PTDSS1: variants seen among roughly 807,000 people sequenced by gnomAD.
PTDSS1 encodes PSS-1.
In PTDSS1, 45 loss-of-function variants were observed where a neutral mutation model predicts 70.5. The ratio of observed to expected loss-of-function variants is 0.64; its 90% CI spans 0.50 to 0.82. The LOEUF is 0.82. PTDSS1 is among the 40% of genes least tolerant of loss of function. The pLI is 0.00. For missense variants in PTDSS1, 417 were observed against 586.1 expected, an observed-to-expected ratio of 0.71 and a Z score of 2.98; for synonymous variants, 188 against 203.8, an observed-to-expected ratio of 0.92 and a Z score of 0.66.
At chr8:96,296,790 T>A (rs573658798) in intron 5 of PTDSS1, among the ~76,000 whole-genome samples, 2 of 152,322 alleles carry the variant, frequency 1.3e-5, no homozygotes, top group Admixed American at 1.3e-4. Context: ...GGATTCCAGA[T>A]GTGAAGCCCA....
chr8:96,285,669 A>T (rs1044452685), intron 3 of PTDSS1, among the ~76,000 whole-genome samples: 3 of 152,000 alleles, frequency 2.0e-5, no homozygotes, highest in Non-Finnish European at 4.4e-5. Flanking sequence ...CCCTTTGATA[A>T]TCCGATGAGA....
chr8:96,286,959 T>A, intron 3 of PTDSS1, 63 bp from the exon 4 acceptor site: 1 of 1,592,612 alleles, frequency 6.3e-7, no homozygotes, highest in Non-Finnish European at 8.6e-7. Flanking sequence ...GAGTCTAATG[T>A]GTATTGTGTG....
intron 2 of PTDSS1, among the ~76,000 whole-genome samples, chr8:96,278,724 A>G (rs1328043157): frequency 2.6e-5 from 4 of 152,104 alleles, no homozygotes; most frequent in Non-Finnish European, 5.9e-5. Context: ...GATTTCTTTC[A>G]ACGGTCGACC....
At chr8:96,276,666 G>A (rs1810646564) in intron 2 of PTDSS1, among the ~76,000 whole-genome samples, 1 of 152,146 alleles carries the variant, frequency 6.6e-6, no homozygotes, top group South Asian at 2.1e-4. Context: ...TAGGTCCATT[G>A]CAAGGTGCTT....
chr8:96,285,653 A>G (rs1274883558), intron 3 of PTDSS1, among the ~76,000 whole-genome samples: 1 of 152,124 alleles, frequency 6.6e-6, no homozygotes, highest in African/African-American at 2.4e-5. Flanking sequence ...CTTTGGGAGC[A>G]TGGAGCCCTT....
rs1811565630 is a variant in PTDSS1, at chr8:96,334,334, G to A, written c.*768G>A. 6.5e-6 allele frequency: 1 copy of A among 152,808 alleles called. No individual in the cohort carries two copies. The highest frequency in any genetic ancestry group is 2.4e-5 in the African/African-American group (1 of 41,444). 9.5% of individuals were successfully genotyped at this position (152,808 alleles called of 1,614,324 possible). A position where few individuals can be genotyped will look rare whatever the true frequency, so the allele number is the denominator to read the frequency against. ...GCACAAAAGCAAACCTGCTAGAGAG[G>A]CAGTGAACACCACAGCTTCTCCCCA... On this transcript the variant is annotated 3_prime_UTR_variant, in exon 13 of 13. Transcript: ENST00000517309.
At chr8:96,281,607 C>A (rs1439481613) in intron 2 of PTDSS1, among the ~76,000 whole-genome samples, 1 of 152,164 alleles carries the variant, frequency 6.6e-6, no homozygotes, top group Non-Finnish European at 1.5e-5. Context: ...TGCCTTTCCC[C>A]CTGTTGCATC....
chr8:96,296,109 C>T (rs377218408), intron 5 of PTDSS1, among the ~76,000 whole-genome samples: 23 of 138,376 alleles, frequency 1.7e-4, no homozygotes, highest in African/African-American at 6.0e-4. Context: ...TCTCCCTGTG[C>T]GTGTCTGAGC....
At chr8:96,284,943 G>A (rs1810800650) in intron 3 of PTDSS1, among the ~76,000 whole-genome samples, 1 of 152,224 alleles carries the variant, frequency 6.6e-6, no homozygotes, top group African/African-American at 2.4e-5. Flanking sequence ...AGTGAGCTGT[G>A]TGACAGATGC....
intron 2 of PTDSS1, among the ~76,000 whole-genome samples, chr8:96,276,129 T>C (rs192745597): frequency 6.6e-6 from 1 of 152,358 alleles, no homozygotes; most frequent in East Asian, 1.9e-4. Flanking sequence ...TTGCTGTTTC[T>C]GAGCCCAGAG....
intron 2 of PTDSS1, among the ~76,000 whole-genome samples, chr8:96,274,041 G>GTT (rs972811877): frequency 6.6e-6 from 1 of 151,832 alleles, no homozygotes; most frequent in Admixed American, 6.5e-5. Context: ...CTTAAAAGTT[G>GTT]TTTTCTTTTC....
intron 2 of PTDSS1, among the ~76,000 whole-genome samples, chr8:96,280,629 CAT>C (rs1810722506): frequency 6.6e-6 from 1 of 152,108 alleles, no homozygotes; most frequent in Non-Finnish European, 1.5e-5. Context: ...AAATAAAACA[CAT>C]AGTTTTTAAA....
chr8:96,277,498 A>G (rs938962298), intron 2 of PTDSS1, among the ~76,000 whole-genome samples: 9 of 151,990 alleles, frequency 5.9e-5, no homozygotes, highest in African/African-American at 2.2e-4. Context: ...CATTCTCCCC[A>G]CCCTTGGCAC....
Position 96,262,008 on chromosome 8 carries a change from C to T in PTDSS1, c.-33C>T, listed in dbSNP as rs751221785. 2.5e-6 allele frequency: 4 copies of T among 1,595,308 alleles called. No individual in the cohort carries two copies. The highest frequency in any genetic ancestry group is 1.1e-5 in the South Asian group (1 of 89,166). Reference sequence around the variant, plus strand: ...GGTCCCGGCCTTCTCGGGCTGGGGCCGCCGCCACCGCGGCAGGACGGGGAG... The same window carrying T: ...GGTCCCGGCCTTCTCGGGCTGGGGCTGCCGCCACCGCGGCAGGACGGGGAG... On this transcript the variant is annotated 5_prime_UTR_variant, in exon 1 of 13. Coordinates refer to ENST00000517309, the MANE Select transcript of PTDSS1 (RefSeq NM_014754.3). This position sits in a 1 kb window ranked among gnomAD's most constrained non-coding sequence, Gnocchi z 4.4.
chr8:96,272,542 G>C (rs11986366), intron 1 of PTDSS1, among the ~76,000 whole-genome samples: 2,816 of 152,178 alleles, frequency 0.019, 83 homozygotes, highest in African/African-American at 0.064. Flanking sequence ...AGCTTGGCTT[G>C]GGGGAACAAT....
intron 9 of PTDSS1, among the ~76,000 whole-genome samples, chr8:96,312,072 A>G (rs765702799): frequency 5.3e-5 from 8 of 152,176 alleles, no homozygotes; most frequent in Non-Finnish European, 1.0e-4. Flanking sequence ...GAGGGAAATA[A>G]GTGGGTCAGA....
intron 11 of PTDSS1, 77 bp from the exon 12 acceptor site, chr8:96,330,949 C>T: frequency 7.1e-6 from 9 of 1,269,382 alleles, no homozygotes; most frequent in Non-Finnish European, 1.0e-5. Context: ...AGGGATGCAG[C>T]ATGCTCGCCT....
intron 2 of PTDSS1, among the ~76,000 whole-genome samples, chr8:96,282,598 C>T (rs947360923): frequency 2.0e-5 from 3 of 152,154 alleles, no homozygotes; most frequent in Non-Finnish European, 4.4e-5. Flanking sequence ...CGAACTGCCA[C>T]CTAGGCACTG....
chr8:96,302,721 G>A (rs1448118481), intron 6 of PTDSS1, among the ~76,000 whole-genome samples: 1 of 151,856 alleles, frequency 6.6e-6, no homozygotes, highest in African/African-American at 2.4e-5. Flanking sequence ...AGCTGGGACT[G>A]CAGGCACCCG....
Sources: gnomAD v4.1 joint callset for allele counts (sites outside exome capture counted in the v4.1 genomes callset) on GRCh38, gnomAD v4.1.1 for gene constraint, Gnocchi (gnomAD v3.1) non-coding constraint, MANE v1.5 for transcripts, NCBI Gene and HGNC (gene_info 2026-07-23, HGNC 2026-07-21) for gene names.